ATP13A3: variants seen among roughly 807,000 people sequenced by gnomAD.
ATP13A3 encodes the protein ATPase 13A3, also known as polyamine-transporting ATPase 13A3.
In ATP13A3, 59 loss-of-function variants were observed where a neutral mutation model predicts 158.1. That is an observed-to-expected ratio of 0.37 (90% CI 0.30 to 0.46). ATP13A3 has a LOEUF of 0.46. ATP13A3 is among the 20% of genes least tolerant of loss of function. ATP13A3 has a pLI of 1.00. For missense variants in ATP13A3, 1,166 were observed against 1,525.2 expected, an observed-to-expected ratio of 0.76 and a Z score of 3.92; for synonymous variants, 491 against 504.3, an observed-to-expected ratio of 0.97 and a Z score of 0.35.
chr3:194,470,100 C>A (rs1560112198), intron 2 of ATP13A3, among the ~76,000 whole-genome samples: 1 of 152,106 alleles, frequency 6.6e-6, no homozygotes, highest in East Asian at 1.9e-4. Context: ...GGAAATTTTA[C>A]AAGGATACCA....
upstream of ATP13A3, among the ~76,000 whole-genome samples, chr3:194,489,030 A>C (rs1415704236): frequency 6.6e-6 from 1 of 152,204 alleles, no homozygotes; most frequent in Non-Finnish European, 1.5e-5. This position sits in a 1 kb window ranked among gnomAD's most constrained non-coding sequence, Gnocchi z 4.1. Flanking sequence ...AGCTGTTGGC[A>C]CCACCATCTC....
chr3:194,469,734 A>C (rs1720213037), intron 2 of ATP13A3, among the ~76,000 whole-genome samples: 1 of 152,204 alleles, frequency 6.6e-6, no homozygotes, highest in South Asian at 2.1e-4. Flanking sequence ...ACACAAGCCA[A>C]GAGTGCTTTA....
intron 30 of ATP13A3, among the ~76,000 whole-genome samples, chr3:194,421,641 C>G (rs1489543091): frequency 6.7e-6 from 1 of 150,334 alleles, no homozygotes; most frequent in Non-Finnish European, 1.5e-5. Flanking sequence ...TCCTGTTTCA[C>G]AAATGCAGCA....
chr3:194,437,248 G>C (rs1560088398), intron 19 of ATP13A3, 33 bp from the exon 20 acceptor site: 3 of 1,613,822 alleles, frequency 1.9e-6, no homozygotes, highest in Non-Finnish European at 2.5e-6. Context: ...TTCATTGTTA[G>C]AGTTGCTAAT....
At chr3:194,451,322 A>T (rs1163577004) in intron 10 of ATP13A3, 1 of 152,256 alleles carries the variant, frequency 6.6e-6, no homozygotes, top group Non-Finnish European at 1.5e-5. Context: ...TCCATTCCTC[A>T]GATGGGAAGA....
intron 2 of ATP13A3, among the ~76,000 whole-genome samples, chr3:194,462,862 T>C (rs1287700950): frequency 6.6e-6 from 1 of 152,230 alleles, no homozygotes; most frequent in Non-Finnish European, 1.5e-5. Context: ...TTTCATTAAT[T>C]CATTTAGACT....
chr3:194,408,808 C>T (rs1036754878), intron 33 of ATP13A3, among the ~76,000 whole-genome samples: 1 of 152,138 alleles, frequency 6.6e-6, no homozygotes, highest in East Asian at 1.9e-4. Flanking sequence ...AAACATACCA[C>T]ACACATTCTC....
Position 194,432,054 on chromosome 3 carries a change from G to A in ATP13A3, c.2246-162C>T, listed in dbSNP as rs963414604. 8.9e-6 allele frequency: 5 copies of A among 564,400 alleles called. No individual in the cohort carries two copies. The Admixed American group carries it at 1.6e-4, about 19-fold the overall frequency. The allele number at this position is 564,400 out of a possible 1,614,324, so 35.0% of individuals were successfully genotyped here. A position where few individuals can be genotyped will look rare whatever the true frequency, so the allele number is the denominator to read the frequency against. ...ACAGTTTAAAAATAACAAAATTGGA[G>A]CATACTTATCAAAAGAAGCCTCAAA... On this transcript the variant is annotated intron_variant, in intron 21 of 33. Transcript: ENST00000645319.
At chr3:194,416,986 G>A (rs560734048) in intron 31 of ATP13A3, among the ~76,000 whole-genome samples, 10 of 152,268 alleles carry the variant, frequency 6.6e-5, no homozygotes, top group African/African-American at 2.2e-4. Context: ...AAAACTATCT[G>A]ACTTACTGAA....
intron 33 of ATP13A3, among the ~76,000 whole-genome samples, chr3:194,410,316 A>AAC (rs1372349984): frequency 6.1e-4 from 89 of 145,572 alleles, no homozygotes; most frequent in Middle Eastern, 3.5e-3. Flanking sequence ...AAAAAAAAAA[A>AAC]AAAAAAAAAA....
intron 2 of ATP13A3, among the ~76,000 whole-genome samples, chr3:194,477,242 C>T (rs1310676758): frequency 1.3e-5 from 2 of 152,182 alleles, no homozygotes; most frequent in Non-Finnish European, 2.9e-5. Context: ...ACTGCCCCCA[C>T]CTTTCTCCCA....
At chr3:194,406,157 G>A in intron 33 of ATP13A3, 41 bp from the exon 34 acceptor site, 2 of 1,597,268 alleles carry the variant, frequency 1.3e-6, no homozygotes, top group Non-Finnish European at 1.7e-6. Context: ...CACCCCAGTT[G>A]ATTAAAGGCT....
intron 2 of ATP13A3, among the ~76,000 whole-genome samples, chr3:194,474,889 G>A (rs918006934): frequency 1.3e-5 from 2 of 152,170 alleles, no homozygotes; most frequent in Non-Finnish European, 2.9e-5. Flanking sequence ...CTCAGACTAT[G>A]GTCATGCCAG....
rs200218972 is a variant in ATP13A3, at chr3:194,428,816, A to C, written c.2947+29T>G. ...GTCACATCAGAATTTCATACACTTT[A>C]AAAATCAATAACAAAGCAAAATACT... On this transcript the variant is annotated intron_variant, in intron 28 of 33. Coordinates refer to ENST00000645319, the MANE Select transcript of ATP13A3 (RefSeq NM_001367549.1). 231 of 1,499,208 alleles carry C rather than the reference A, an allele frequency of 1.5e-4. 2 individuals are homozygous for C. The East Asian group carries it at 4.6e-3, about 30-fold the overall frequency. The allele number at this position is 1,499,208 out of a possible 1,614,324, so 92.9% of individuals were successfully genotyped here. A position where few individuals can be genotyped will look rare whatever the true frequency, so the allele number is the denominator to read the frequency against.
rs1381007769 is a variant in ATP13A3, at chr3:194,458,143, T to TA, written c.480-970dup. 1.7e-4 allele frequency among the ~76,000 whole-genome samples: 26 copies of TA among 152,296 alleles called. No homozygotes were observed. The East Asian group carries it at 4.2e-3, about 25-fold the overall frequency. On this transcript the variant is annotated intron_variant, in intron 6 of 33. Transcript: ENST00000645319. ...TATAACTCTAAAGCAAAGAAAGTCT[T>TA]ACATATACTTAATTCCAATCCTTTT... is the stretch of plus-strand genomic sequence containing the variant.
At chr3:194,467,184 T>G (rs946714881) in intron 2 of ATP13A3, among the ~76,000 whole-genome samples, 1 of 152,256 alleles carries the variant, frequency 6.6e-6, no homozygotes, top group Non-Finnish European at 1.5e-5. Flanking sequence ...GAACTGCCGT[T>G]AAAATCCAAT....
At chr3:194,460,236 G>C (rs1719551892) in intron 4 of ATP13A3, among the ~76,000 whole-genome samples, 1 of 152,036 alleles carries the variant, frequency 6.6e-6, no homozygotes, top group East Asian at 1.9e-4. Flanking sequence ...TCCTTAATTA[G>C]TCTCTATATT....
chr3:194,471,272 C>T (rs1452933370), intron 2 of ATP13A3, among the ~76,000 whole-genome samples: 2 of 149,194 alleles, frequency 1.3e-5, no homozygotes, highest in Non-Finnish European at 3.0e-5. Flanking sequence ...TACATTTTGG[C>T]CCAGCTGAAA....
In ATP13A3 at chr3:194,486,974, GGC is replaced by G. The variant is rs1176877824; in HGVS notation, c.-499_-498del. 1 of 149,696 alleles carries G rather than the reference GGC, an allele frequency of 6.7e-6. No individual in the cohort carries two copies. Among genetic ancestry groups the G allele is most frequent in the Non-Finnish European group, 1.5e-5 (1 of 66,270 alleles). The allele number at this position is 149,696 out of a possible 1,614,324, so 9.3% of individuals were successfully genotyped here. On this transcript the variant is annotated 5_prime_UTR_variant, in exon 1 of 34. Coordinates refer to ENST00000645319, the MANE Select transcript of ATP13A3 (RefSeq NM_001367549.1). ...ACGCTGCGGGGAGAGCCGGCAGGCA[GGC>G]GGGGGAGCGCGCGCGGGCTCAGGAC...
Sources: allele counts gnomAD v4.1 joint callset (sites outside exome capture counted in the v4.1 genomes callset), GRCh38; gene constraint gnomAD v4.1.1; non-coding constraint Gnocchi (gnomAD v3.1); transcripts MANE v1.5; gene names NCBI Gene and HGNC (gene_info 2026-07-23, HGNC 2026-07-21).